MLIP: variants seen among roughly 807,000 people sequenced by gnomAD.
MLIP encodes muscular LMNA interacting protein, also known as muscular LMNA-interacting protein.
In MLIP, 79 loss-of-function variants were observed where a neutral mutation model predicts 84.8. The ratio of observed to expected loss-of-function variants is 0.93; its 90% CI spans 0.78 to 1.12. The LOEUF (loss-of-function observed/expected upper bound fraction) is 1.12. Ranked by LOEUF, MLIP falls within the 50% of genes most tolerant of loss-of-function variation. MLIP has a pLI of 0.00. For missense variants in MLIP, 1,257 were observed against 1,160.6 expected, an observed-to-expected ratio of 1.08 and a Z score of -1.21; for synonymous variants, 504 against 463.0, an observed-to-expected ratio of 1.09 and a Z score of -1.14.
intron 11 of MLIP, among the ~76,000 whole-genome samples, chr6:54,224,180 A>G (rs1780416130): frequency 6.6e-6 from 1 of 152,084 alleles, no homozygotes; most frequent in South Asian, 2.1e-4. Context: ...TTCTTTGAAA[A>G]AAGTGCAAAA....
intron 10 of MLIP, among the ~76,000 whole-genome samples, chr6:54,192,510 A>T (rs1396200874): frequency 1.3e-5 from 2 of 151,992 alleles, no homozygotes; most frequent in East Asian, 3.9e-4. Flanking sequence ...TAAAGTTATA[A>T]TTTTTTCATT....
intron 1 of MLIP, among the ~76,000 whole-genome samples, chr6:54,104,026 T>G (rs1768837785): frequency 6.6e-6 from 1 of 152,114 alleles, no homozygotes; most frequent in Non-Finnish European, 1.5e-5. Context: ...TTAAACCCTC[T>G]TATATTTAAG....
chr6:54,232,738 C>T (rs552711969), intron 12 of MLIP, among the ~76,000 whole-genome samples: 24 of 152,200 alleles, frequency 1.6e-4, no homozygotes, highest in African/African-American at 5.8e-4. Context: ...AAGACATAAT[C>T]TGTTATTTAA....
chr6:54,200,293 G>T (rs1199784160), intron 10 of MLIP, among the ~76,000 whole-genome samples: 1 of 152,120 alleles, frequency 6.6e-6, no homozygotes, highest in Admixed American at 6.5e-5. Context: ...CATCCAAAGT[G>T]CTCCTGATTA....
At chr6:54,171,167 T>C (rs1181154903) in intron 9 of MLIP, among the ~76,000 whole-genome samples, 1 of 151,552 alleles carries the variant, frequency 6.6e-6, no homozygotes, top group African/African-American at 2.4e-5. Context: ...TCAATCTCCA[T>C]AGTTAGAAAT....
At chr6:54,126,215 A>T (rs1016860025) in intron 3 of MLIP, among the ~76,000 whole-genome samples, 1 of 152,052 alleles carries the variant, frequency 6.6e-6, no homozygotes, top group African/African-American at 2.4e-5. Context: ...GCTTTAGGTG[A>T]CTTCTCTGAG....
intron 1 of MLIP, among the ~76,000 whole-genome samples, chr6:54,062,074 G>T (rs1208743057): frequency 6.6e-6 from 1 of 152,104 alleles, no homozygotes; most frequent in Non-Finnish European, 1.5e-5. Flanking sequence ...AGACACCTTT[G>T]TGATAAAAAA....
intron 9 of MLIP, among the ~76,000 whole-genome samples, chr6:54,188,536 G>T (rs1273832448): frequency 6.6e-6 from 1 of 152,018 alleles, no homozygotes; most frequent in Admixed American, 6.6e-5. Flanking sequence ...CCTACACAGA[G>T]TCAAGATAAT....
At chr6:54,185,195 C>T (rs1777268190) in intron 9 of MLIP, among the ~76,000 whole-genome samples, 1 of 152,168 alleles carries the variant, frequency 6.6e-6, no homozygotes. Context: ...AGGGTGGCTT[C>T]TCAAAGGATT....
rs796865107 is a variant in MLIP, at chr6:54,198,882, GTGTGTGTGTGTGTATA to G, written c.2590-3209_2590-3194del. ...GTGGTGAAGAGGTGTGTGTGTCTGT[GTGTGTGTGTGTGTATA>G]TGTGTGTGTGTGTTTGTGTGTGTGT... is the stretch of plus-strand genomic sequence containing the variant. On this transcript the variant is annotated intron_variant, in intron 10 of 13. Transcript: ENST00000502396. Among the ~76,000 whole-genome samples the G allele has an allele frequency of 6.5e-4, 88 of 135,722 alleles. 2 individuals are homozygous for G. In the South Asian group the frequency reaches 0.019, roughly 30 times the overall value. 89.0% of individuals were successfully genotyped at this position (135,722 alleles called of 152,430 possible). A position where few individuals can be genotyped will look rare whatever the true frequency, so the allele number is the denominator to read the frequency against.
intron 11 of MLIP, chr6:54,215,087 C>T: frequency 7.3e-7 from 1 of 1,371,526 alleles, no homozygotes; most frequent in South Asian, 1.3e-5. Flanking sequence ...TATTTGTAAC[C>T]TTTTCTACAC....
intron 1 of MLIP, among the ~76,000 whole-genome samples, chr6:54,065,355 A>C (rs1374974910): frequency 1.0e-5 from 1 of 100,426 alleles, no homozygotes; most frequent in Non-Finnish European, 2.9e-5. Flanking sequence ...AATTAAACAG[A>C]ATCAAGGAAG....
At chr6:54,134,358 T>C (rs1771633927) in intron 3 of MLIP, among the ~76,000 whole-genome samples, 1 of 152,088 alleles carries the variant, frequency 6.6e-6, no homozygotes, top group African/African-American at 2.4e-5. Flanking sequence ...TAAAATATGG[T>C]GTCACATTTT....
At position 54,111,515 on chromosome 6, in the gene MLIP, G is replaced by T; in HGVS notation, c.36G>T (p.Gly12=). The change falls in exon 1 of 14, where the codon GGG becomes GGT. Residue 12 remains glycine (G), a synonymous_variant. Transcript: ENST00000502396. ...AACAGGGGCTTCTGAGTGACTGCGGGAACAATTACTTCCAAATGACCTCGT... is the reference window on the plus strand; with the variant it reads ...AACAGGGGCTTCTGAGTGACTGCGGTAACAATTACTTCCAAATGACCTCGT... ...LSEQGLLSDC[G]NNYFQMTSCI... is the part of the protein sequence containing the mutation. 1.3e-6 allele frequency: 2 copies of T among 1,535,964 alleles called. No homozygotes were observed. Among genetic ancestry groups the T allele is most frequent in the Middle Eastern group, 1.7e-4 (1 of 5,990 alleles).
chr6:54,085,999 T>A (rs1318622697), intron 1 of MLIP, among the ~76,000 whole-genome samples: 1 of 152,206 alleles, frequency 6.6e-6, no homozygotes, highest in African/African-American at 2.4e-5. Flanking sequence ...CTCCCAGACC[T>A]GCCATGACAG....
At chr6:54,141,325 T>TTTTTTTTTTGG (rs1772282980) in intron 4 of MLIP, among the ~76,000 whole-genome samples, 1 of 151,140 alleles carries the variant, frequency 6.6e-6, no homozygotes. Flanking sequence ...TTTTTTTTTT[T>TTTTTTTTTTGG]GAGACACGTC....
chr6:54,163,620 T>C (rs1394844187), intron 8 of MLIP, among the ~76,000 whole-genome samples: 1 of 152,014 alleles, frequency 6.6e-6, no homozygotes, highest in Non-Finnish European at 1.5e-5. Flanking sequence ...TTGTAAGTAC[T>C]ATAGCACTTT....
chr6:54,214,991 T>G (rs1779749135), intron 11 of MLIP: 1 of 586,388 alleles, frequency 1.7e-6, no homozygotes, highest in Non-Finnish European at 3.0e-6. Flanking sequence ...CCCCAGGAAA[T>G]AAAGGAGACG....
chr6:54,168,512 T>A (rs2150586752), intron 8 of MLIP, among the ~76,000 whole-genome samples: 1 of 152,044 alleles, frequency 6.6e-6, no homozygotes, highest in East Asian at 1.9e-4. Flanking sequence ...TGCTTATTTC[T>A]TTTCTTCCAG....
Sources: gnomAD v4.1 joint callset for allele counts (sites outside exome capture counted in the v4.1 genomes callset) on GRCh38, gnomAD v4.1.1 for gene constraint, MANE v1.5 for transcripts, NCBI Gene and HGNC (gene_info 2026-07-23, HGNC 2026-07-21) for gene names.